The following CHODL variants were observed in gnomAD, a reference collection of about 807,000 sequenced individuals.
The protein encoded by CHODL is chondrolectin, also known as transmembrane protein MT75.
CHODL carries 29 observed loss-of-function variants against 34.5 expected under a neutral mutation model. The ratio of observed to expected loss-of-function variants is 0.84; its 90% CI spans 0.63 to 1.15. CHODL has a LOEUF of 1.15. CHODL is among the 50% of genes most tolerant of loss of function. The probability of loss-of-function intolerance (pLI) is 0.00; values close to 1 mark genes in which losing one functional copy is unlikely to be tolerated. For synonymous variants in CHODL, 125 were observed against 116.1 expected (o/e 1.08, Z -0.49); for missense variants, 332 against 332.5 (o/e 1.00, Z 0.01).
At chr21:18,015,808 G>T (rs1019704508) in intron 1 of CHODL, among the ~76,000 whole-genome samples, 1 of 152,138 alleles carries the variant, frequency 6.6e-6, no homozygotes, top group African/African-American at 2.4e-5. Context: ...TTGTGCCCCT[G>T]GTCTAAGTAT....
intron 2 of CHODL, among the ~76,000 whole-genome samples, chr21:18,159,815 A>G (rs1940876526): frequency 6.6e-6 from 1 of 151,960 alleles, no homozygotes; most frequent in African/African-American, 2.4e-5. Flanking sequence ...CAGCATGAGA[A>G]GGATTCGACC....
At chr21:18,172,887 A>C in intron 2 of CHODL, among the ~76,000 whole-genome samples, 1 of 152,282 alleles carries the variant, frequency 6.6e-6, no homozygotes, top group East Asian at 1.9e-4. Flanking sequence ...TCAGGGTGTC[A>C]TCTTGGGGTA....
At chr21:18,098,474 T>A (rs1416976474) in intron 2 of CHODL, among the ~76,000 whole-genome samples, 1 of 152,062 alleles carries the variant, frequency 6.6e-6, no homozygotes, top group Admixed American at 6.6e-5. Flanking sequence ...AATTTCTTTT[T>A]AGAGAAAAGT....
At chr21:17,941,583 C>T (rs940164936) in intron 1 of CHODL, among the ~76,000 whole-genome samples, 1 of 151,196 alleles carries the variant, frequency 6.6e-6, no homozygotes, top group Middle Eastern at 3.2e-3. Context: ...GGATAATGTT[C>T]TTATCAAATC....
intron 1 of CHODL, among the ~76,000 whole-genome samples, chr21:18,004,367 C>T (rs1600882859): frequency 6.6e-6 from 1 of 152,194 alleles, no homozygotes; most frequent in African/African-American, 2.4e-5. Context: ...TATTAGCATA[C>T]TGTACTTATA....
In CHODL at chr21:18,216,279, G is replaced by A. The variant is rs569026296; in HGVS notation, c.-44-40230G>A. 5.1e-4 allele frequency among the ~76,000 whole-genome samples: 78 copies of A among 152,214 alleles called. 2 individuals carry two copies. The highest frequency in any genetic ancestry group is 1.0e-3 in the Admixed American group (16 of 15,282). Reference sequence around the variant, plus strand: ...CAAATATTTATCATTTCTTTGTGATGAGAACATACCAAATCTTTTCTTCTA... The same window carrying A: ...CAAATATTTATCATTTCTTTGTGATAAGAACATACCAAATCTTTTCTTCTA... On this transcript the variant is annotated intron_variant, in intron 2 of 6. Transcript: ENST00000400127.
In CHODL at chr21:18,208,594, G is replaced by A. The variant is rs796170897; in HGVS notation, c.-44-47915G>A. Among the ~76,000 whole-genome samples the A allele has an allele frequency of 4.6e-5, 7 of 152,160 alleles. 1 individual carries two copies. Among genetic ancestry groups the A allele is most frequent in the African/African-American group, 1.7e-4 (7 of 41,518 alleles). Reference sequence around the variant, plus strand: ...ATTGAATAGCTAAGCATTTATTGCAGTCTTCATACTCTGGGCTTGTGTGTA... The same window carrying A: ...ATTGAATAGCTAAGCATTTATTGCAATCTTCATACTCTGGGCTTGTGTGTA... On this transcript the variant is annotated intron_variant, in intron 2 of 6. Coordinates refer to the CHODL transcript ENST00000400127.
chr21:18,249,648 T>G (rs8133342), intron 1 of CHODL, among the ~76,000 whole-genome samples: 4,390 of 152,184 alleles, frequency 0.029, 228 homozygotes, highest in African/African-American at 0.098. Context: ...TATTTCACCT[T>G]TATATTAGGT....
At chr21:18,239,363 G>A (rs920079222) in intron 2 of CHODL, among the ~76,000 whole-genome samples, 6 of 152,000 alleles carry the variant, frequency 3.9e-5, no homozygotes, top group East Asian at 3.9e-4. Context: ...GCTTAGAAAC[G>A]ATGTATGAAA....
intron 1 of CHODL, among the ~76,000 whole-genome samples, chr21:17,917,928 A>G (rs2063153936): frequency 6.6e-6 from 1 of 151,194 alleles, no homozygotes; most frequent in Admixed American, 6.6e-5. Context: ...TCTTGAAGCT[A>G]AACTCTAAAG....
At chr21:17,984,379 C>A (rs1454192659) in intron 1 of CHODL, among the ~76,000 whole-genome samples, 1 of 152,148 alleles carries the variant, frequency 6.6e-6, no homozygotes. Flanking sequence ...TCCTTTGGAT[C>A]CACACCCAGA....
chr21:18,158,071 GTT>G (rs34811787), intron 2 of CHODL, among the ~76,000 whole-genome samples: 11 of 141,290 alleles, frequency 7.8e-5, no homozygotes, highest in East Asian at 2.1e-4. Context: ...ATTCCAAAAG[GTT>G]TTTTTTTTTT....
At chr21:18,001,056 A>G (rs1479306615) in intron 1 of CHODL, among the ~76,000 whole-genome samples, 1 of 152,224 alleles carries the variant, frequency 6.6e-6, no homozygotes, top group East Asian at 1.9e-4. Context: ...CTCAGAGTCC[A>G]GGATAGGCCA....
At chr21:17,983,417 G>A (rs570681039) in intron 1 of CHODL, among the ~76,000 whole-genome samples, 67 of 152,116 alleles carry the variant, frequency 4.4e-4, no homozygotes, top group Non-Finnish European at 7.8e-4. Flanking sequence ...TTTCTAATTA[G>A]GGGCTATGTA....
rs1370332718 is a variant in CHODL at position 18,132,219 on chromosome 21, TA to T, written c.-45+104250del. ...GAGTTCATTTTATTATCTCTTTAGT[TA>T]ACAAGAAAATAGAAAAAAAATGGCA... is the stretch of plus-strand genomic sequence containing the variant. On this transcript the variant is annotated intron_variant, in intron 2 of 6. Coordinates refer to the CHODL transcript ENST00000400127. 7.2e-5 allele frequency among the ~76,000 whole-genome samples: 11 copies of T among 152,146 alleles called. 1 individual carries two copies. The East Asian group carries it at 1.9e-3, about 27-fold the overall frequency.
chr21:17,967,920 G>T (rs545617690), intron 1 of CHODL, among the ~76,000 whole-genome samples: 3 of 152,218 alleles, frequency 2.0e-5, no homozygotes, highest in Admixed American at 2.0e-4. Context: ...ACGTCGGATG[G>T]TCACTTAACT....
chr21:18,088,562 G>GT (rs1209643381), intron 2 of CHODL, among the ~76,000 whole-genome samples: 2 of 152,166 alleles, frequency 1.3e-5, no homozygotes, highest in African/African-American at 4.8e-5. Context: ...AAGCCCTGTG[G>GT]TTTTCTCTCT....
Position 18,148,785 on chromosome 21 carries a change from C to T in CHODL, c.-44-107724C>T, listed in dbSNP as rs143649877. 7.0e-3 allele frequency among the ~76,000 whole-genome samples: 1,069 copies of T among 151,950 alleles called. 7 individuals are homozygous for T. The highest frequency in any genetic ancestry group is 0.011 in the Non-Finnish European group (731 of 67,982). On this transcript the variant is annotated intron_variant, in intron 2 of 6. Coordinates refer to the CHODL transcript ENST00000400127. ...TGATATAAGAAATCTTTCTATTAACCCAGAAGTATATTTGTCTTTCCACTT... is the reference window on the plus strand; with the variant it reads ...TGATATAAGAAATCTTTCTATTAACTCAGAAGTATATTTGTCTTTCCACTT...
intron 1 of CHODL, among the ~76,000 whole-genome samples, chr21:17,958,588 T>C (rs1407983078): frequency 1.3e-5 from 2 of 152,138 alleles, no homozygotes; most frequent in African/African-American, 4.8e-5. Flanking sequence ...AGACACTTGG[T>C]AGGAACAGGC....
Sources: gnomAD v4.1 joint callset for allele counts (sites outside exome capture counted in the v4.1 genomes callset) on GRCh38, gnomAD v4.1.1 for gene constraint, MANE v1.5 for transcripts, NCBI Gene and HGNC (gene_info 2026-07-23, HGNC 2026-07-21) for gene names.